MYO7A: variants seen among roughly 807,000 people sequenced by gnomAD.
The protein encoded by MYO7A is unconventional myosin-VIIa.
In MYO7A, 210 loss-of-function variants were observed where a neutral mutation model predicts 263.8. The observed-to-expected ratio is 0.80, with a 90% confidence interval of 0.71 to 0.89. MYO7A has a LOEUF of 0.89. Among genes scored for constraint, MYO7A ranks in the 40% least tolerant of loss-of-function variants. The pLI is 0.00. For synonymous variants in MYO7A, 1,239 were observed against 1,197.3 expected, an observed-to-expected ratio of 1.03 and a Z score of -0.72; for missense variants, 2,820 against 2,968.3, an observed-to-expected ratio of 0.95 and a Z score of 1.16.
At chr11:77,178,878 C>T (rs1243068440) in intron 19 of MYO7A, among the ~76,000 whole-genome samples, 167 bp from the exon 20 acceptor site, 1 of 152,204 alleles carries the variant, frequency 6.6e-6, no homozygotes, top group Non-Finnish European at 1.5e-5. Flanking sequence ...TTATTCTACA[C>T]ATTGTACGGA....
At position 77,214,590 on chromosome 11, in the gene MYO7A, C is replaced by T. The variant is rs1958044140; in HGVS notation, c.6559-17C>T. ...GTCCCACCGTGTGCTCGCTTATCTT[C>T]TCACCCCTGCTTCCAGGGCTACAAG... On this transcript the variant is annotated splice_polypyrimidine_tract_variant and intron_variant, in intron 48 of 48. Transcript: ENST00000409709. The T allele has an allele frequency of 6.5e-7, 1 of 1,538,678 alleles. No individual in the cohort carries two copies. The highest frequency in any genetic ancestry group is 8.8e-7 in the Non-Finnish European group (1 of 1,131,668).
intron 4 of MYO7A, among the ~76,000 whole-genome samples, chr11:77,154,805 A>G (rs1952292126): frequency 1.3e-5 from 2 of 152,158 alleles, no homozygotes; most frequent in African/African-American, 4.8e-5. Flanking sequence ...CTCCTGGTCC[A>G]GGCCAGCCAA....
chr11:77,174,943 A>AGG (rs1555079161), intron 17 of MYO7A, 29 bp downstream of exon 17: 1 of 1,599,978 alleles, frequency 6.3e-7, no homozygotes, highest in African/African-American at 1.3e-5. Flanking sequence ...AGAGGGCAGG[A>AGG]GGGGAGGGTC....
At chr11:77,214,104 C>T in intron 48 of MYO7A, 125 bp downstream of exon 48, 2 of 1,355,754 alleles carry the variant, frequency 1.5e-6, no homozygotes, top group South Asian at 1.3e-5. Context: ...AAGGGTCATG[C>T]TGGGGCCAAG....
chr11:77,178,820 A>G (rs910576337), intron 19 of MYO7A, among the ~76,000 whole-genome samples: 8 of 152,162 alleles, frequency 5.3e-5, no homozygotes, highest in Non-Finnish European at 8.8e-5. Flanking sequence ...TTGAATGTCT[A>G]CCTTCATGGG....
rs754599732 is a variant in MYO7A, at chr11:77,190,729, C to T, written c.3783C>T (p.Pro1261=). The T allele has an allele frequency of 1.4e-4, 216 of 1,598,662 alleles. 1 individual carries two copies. In the East Asian group the frequency reaches 4.0e-3, roughly 30 times the overall value. ...AGTCCAAGAAGCCAATCATGTTGCC[C>T]GTGACATTCATGGATGGGACCACCA... is the stretch of plus-strand genomic sequence containing the variant. ...ATKSKKPIML[P]VTFMDGTTKT... is the part of the protein sequence containing the mutation. The change falls in exon 30 of 49, where the codon CCC becomes CCT. Residue 1261 remains proline, a synonymous_variant. Coordinates refer to ENST00000409709, the MANE Select transcript of MYO7A (RefSeq NM_000260.4).
In MYO7A at chr11:77,142,729, C is replaced by T. The variant is rs199989979; in HGVS notation, c.39C>T (p.Asp13=). The change falls in exon 3 of 49, where the codon GAC becomes GAT. Residue 13 remains aspartate, a synonymous_variant. Transcript: ENST00000409709. The stretch of plus-strand genomic sequence containing the variant: ...CATAGGGGGACCATGTGTGGATGGA[C>T]CTGAGATTGGGGCAGGAGTTCGACG... The part of the protein sequence containing the change: ...ILQQGDHVWM[D]LRLGQEFDVP... 6.2e-7 allele frequency: 1 copy of T among 1,611,184 alleles called. No individual in the cohort carries two copies. Among genetic ancestry groups the T allele is most frequent in the Non-Finnish European group, 8.5e-7 (1 of 1,178,920 alleles).
chr11:77,211,847 C>T lies in MYO7A; in HGVS notation c.6264C>T (p.His2088=), dbSNP rs188278264. 3.8e-5 allele frequency: 62 copies of T among 1,613,930 alleles called. No individual in the cohort carries two copies. The Middle Eastern group carries it at 4.9e-4, about 13-fold the overall frequency. Residue 2088 remains histidine, a synonymous_variant, in exon 46 of 49, where the codon CAC becomes CAT. Coordinates refer to ENST00000409709, the MANE Select transcript of MYO7A (RefSeq NM_000260.4). ...KRSIVAYFNK[H]AGKSKEEAKL... ...CCATCGTCGCCTACTTCAACAAGCA[C>T]GCAGGGAAGTCCAAGGAGGAGGCCA...
intron 32 of MYO7A, among the ~76,000 whole-genome samples, chr11:77,195,147 C>T (rs11237110): frequency 0.52 from 78,659 of 151,830 alleles, 20,659 homozygotes; most frequent in Admixed American, 0.59. Flanking sequence ...ACCACAGACC[C>T]GGATCTCACC....
chr11:77,159,602 G>A, intron 10 of MYO7A, 79 bp downstream of exon 10: 1 of 1,394,216 alleles, frequency 7.2e-7, no homozygotes, highest in Non-Finnish European at 1.0e-6. Context: ...GGGCTGGGAT[G>A]TAGGAACCAC....
In MYO7A at chr11:77,190,771, C is replaced by T. The variant is rs771896529; in HGVS notation, c.3825C>T (p.Asp1275=). Residue 1275 remains aspartate (D), a synonymous_variant, in exon 30 of 49, where the codon GAC becomes GAT. Coordinates refer to ENST00000409709, the MANE Select transcript of MYO7A (RefSeq NM_000260.4). The part of the protein sequence containing the change: ...MDGTTKTLLT[D]SATTAKELCN... ...GGACCACCAAGACCCTGCTGACGGACTCGGCAACCACGGCCAAGGAGCTCT... is the reference window on the plus strand; with the variant it reads ...GGACCACCAAGACCCTGCTGACGGATTCGGCAACCACGGCCAAGGAGCTCT... 1.3e-6 allele frequency: 2 copies of T among 1,599,058 alleles called. No individual in the cohort carries two copies. Among genetic ancestry groups the T allele is most frequent in the Middle Eastern group, 1.6e-4 (1 of 6,068 alleles).
chr11:77,157,037 C>A (rs1555063383), intron 7 of MYO7A, 33 bp downstream of exon 7: 7 of 1,603,068 alleles, frequency 4.4e-6, no homozygotes, highest in Non-Finnish European at 5.1e-6. Flanking sequence ...CAGGAATAGA[C>A]CCAGGCCCCT....
chr11:77,155,297 G>T (rs1283781925), intron 4 of MYO7A, among the ~76,000 whole-genome samples: 1 of 152,190 alleles, frequency 6.6e-6, no homozygotes, highest in South Asian at 2.1e-4. Flanking sequence ...TGGCCCCTGC[G>T]CCTACGCTGC....
intron 32 of MYO7A, 93 bp downstream of exon 32, chr11:77,194,617 C>CG: frequency 7.4e-7 from 1 of 1,360,268 alleles, no homozygotes. Flanking sequence ...GTTGGGGCTG[C>CG]GGGGGATGGG....
chr11:77,192,898 G>GTGTTGGTGATGGAGGTAGTGATGC (rs1956216714), intron 31 of MYO7A, among the ~76,000 whole-genome samples: 1 of 116,828 alleles, frequency 8.6e-6, no homozygotes, highest in Non-Finnish European at 1.7e-5. Flanking sequence ...GGTAGTGATG[G>GTGTTGGTGATGGAGGTAGTGATGC]TGTTGGTGAT....
At chr11:77,150,541 C>A (rs1451340720) in intron 4 of MYO7A, among the ~76,000 whole-genome samples, 1 of 152,184 alleles carries the variant, frequency 6.6e-6, no homozygotes, top group Non-Finnish European at 1.5e-5. Flanking sequence ...GGCCCCAAAT[C>A]TGAACCATTT....
At chr11:77,136,590 C>T (rs181800394) in intron 2 of MYO7A, among the ~76,000 whole-genome samples, 165 of 152,332 alleles carry the variant, frequency 1.1e-3, no homozygotes, top group African/African-American at 3.9e-3. Context: ...GCTGTCACCC[C>T]TAACACGACT....
chr11:77,165,578 T>A (rs1461746030), intron 14 of MYO7A, among the ~76,000 whole-genome samples: 1 of 152,180 alleles, frequency 6.6e-6, no homozygotes, highest in Non-Finnish European at 1.5e-5. Flanking sequence ...GAGGAGGTAA[T>A]CCCTACCTGT....
Position 77,149,211 on chromosome 11 carries a change from A to G in MYO7A, c.285+1261A>G, listed in dbSNP as rs559625570. ...GGGTAAAGGAAACCAAGGATGTGCA[A>G]CCCCCAGCAGAGAGCAGGAGGGACC... On this transcript the variant is annotated intron_variant, in intron 4 of 48. Coordinates refer to ENST00000409709, the MANE Select transcript of MYO7A (RefSeq NM_000260.4). Among the ~76,000 whole-genome samples, 37 of 149,776 alleles carry G rather than the reference A, an allele frequency of 2.5e-4. No homozygotes were observed. In the South Asian group the frequency reaches 8.0e-3, roughly 33 times the overall value.
Sources: allele counts gnomAD v4.1 joint callset (sites outside exome capture counted in the v4.1 genomes callset), GRCh38; gene constraint gnomAD v4.1.1; transcripts MANE v1.5; gene names NCBI Gene and HGNC (gene_info 2026-07-23, HGNC 2026-07-21).